MYL9: variants seen among roughly 807,000 people sequenced by gnomAD.
MYL9 encodes the protein myosin light chain 9.
A neutral mutation model predicts 12.8 loss-of-function variants in MYL9; 7 were observed. The observed-to-expected ratio is 0.55, with a 90% CI of 0.31 to 1.03. The LOEUF (loss-of-function observed/expected upper bound fraction) is 1.03, where lower values mean the gene tolerates loss of function less well. Among genes scored for constraint, MYL9 ranks in the 50% least tolerant of loss-of-function variants. The pLI is 0.05. For synonymous variants in MYL9, 81 were observed against 87.8 expected, an observed-to-expected ratio of 0.92 and a Z score of 0.43; for missense variants, 190 against 242.7, an observed-to-expected ratio of 0.78 and a Z score of 1.44.
chr20:36,549,229 G>A lies in MYL9; in HGVS notation c.499G>A (p.Ala167Thr), dbSNP rs2038141127. 6 of 1,613,508 alleles carry A rather than the reference G, an allele frequency of 3.7e-6. No individual in the cohort carries two copies. The highest frequency in any genetic ancestry group is 1.1e-5 in the South Asian group (1 of 91,056). ...VEFTRILKHG[A>T]KDKDD is the part of the protein sequence containing the mutation. ...GTTCACCCGCATCCTCAAACATGGC[G>A]CCAAGGATAAAGACGACTAGGCCAC... is the stretch of plus-strand genomic sequence containing the variant. Residue 167 changes from alanine (A) to threonine (T), a missense_variant, in exon 4 of 4, where the codon GCC (alanine) becomes ACC (threonine). By Grantham distance (58) the Ala-to-Thr change is moderately conservative. Transcript: ENST00000279022.
rs369585316 is a variant in MYL9 at position 36,549,151 on chromosome 20, G to A, written c.421G>A (p.Glu141Lys). ...GDRFTDEEVD[E>K]MYREAPIDKK... ...CCGCTTCACAGATGAGGAAGTGGAC[G>A]AGATGTACCGGGAGGCACCCATTGA... Residue 141 changes from glutamate (E) to lysine (K), a missense_variant, in exon 4 of 4, where the codon GAG becomes AAG. Glu to Lys is a moderately conservative substitution (Grantham distance 56). Coordinates refer to ENST00000279022, the MANE Select transcript of MYL9 (RefSeq NM_006097.5). The A allele has an allele frequency of 8.7e-6, 14 of 1,613,846 alleles. No individual in the cohort carries two copies. The highest frequency in any genetic ancestry group is 1.7e-5 in the Admixed American group (1 of 59,986).
chr20:36,545,357 C>T (rs548757480), intron 2 of MYL9, among the ~76,000 whole-genome samples: 20 of 151,678 alleles, frequency 1.3e-4, no homozygotes, highest in Non-Finnish European at 2.4e-4. Context: ...ATTAGCCGAG[C>T]GTGGTGGCGG....
chr20:36,550,125 G>A lies in MYL9; in HGVS notation c.*876G>A, dbSNP rs982627496. On this transcript the variant is annotated 3_prime_UTR_variant, in exon 4 of 4. Transcript: ENST00000279022. Reference sequence around the variant, plus strand: ...GAATCACCACAGCCAATCCCGTGGAGGGTTCCAGGCCTCTTGGGGGGCAGA... The same window carrying A: ...GAATCACCACAGCCAATCCCGTGGAAGGTTCCAGGCCTCTTGGGGGGCAGA... 2.6e-5 allele frequency: 4 copies of A among 152,572 alleles called. No homozygotes were observed. Among genetic ancestry groups the A allele is most frequent in the African/African-American group, 9.7e-5 (4 of 41,434 alleles). The allele number at this position is 152,572 out of a possible 1,614,324, so 9.5% of individuals were successfully genotyped here. A position where few individuals can be genotyped will look rare whatever the true frequency, so the allele number is the denominator to read the frequency against.
In MYL9 at chr20:36,549,280, C is replaced by CT. The variant is rs771828047; in HGVS notation, c.*31_*32insT. On this transcript the variant is annotated 3_prime_UTR_variant, in exon 4 of 4. Coordinates refer to ENST00000279022, the MANE Select transcript of MYL9 (RefSeq NM_006097.5). ...CCCAGCCCCCTGACACCCCAGCCCCCGCCAGTCACCCCTCCCCGCACACAC... is the reference window on the plus strand; with the variant it reads ...CCCAGCCCCCTGACACCCCAGCCCCCTGCCAGTCACCCCTCCCCGCACACAC... 2 of 1,522,144 alleles carry CT rather than the reference C, an allele frequency of 1.3e-6. No individual in the cohort carries two copies. Among genetic ancestry groups the CT allele is most frequent in the Non-Finnish European group, 1.8e-6 (2 of 1,126,986 alleles). 94.3% of individuals were successfully genotyped at this position (1,522,144 alleles called of 1,614,324 possible).
chr20:36,541,606 C>T (rs62206095), intron 1 of MYL9, 45 bp downstream of exon 1: 1,558 of 152,738 alleles, frequency 0.01, 19 homozygotes, highest in South Asian at 0.026. Flanking sequence ...GCCTAACGGC[C>T]CAGGGCTGGA....
At chr20:36,548,720 G>A (rs538784290) in intron 3 of MYL9, among the ~76,000 whole-genome samples, 1 of 152,290 alleles carries the variant, frequency 6.6e-6, no homozygotes, top group South Asian at 2.1e-4. Flanking sequence ...GGGAGAATGG[G>A]AATCAGCACT....
At position 36,544,845 on chromosome 20, in the gene MYL9, A is replaced by T; in HGVS notation, c.-26-14A>T. On this transcript the variant is annotated splice_polypyrimidine_tract_variant and intron_variant, in intron 1 of 3. Coordinates refer to ENST00000279022, the MANE Select transcript of MYL9 (RefSeq NM_006097.5). The stretch of plus-strand genomic sequence containing the variant: ...AGAGTCACAGGGCCACCCAACCCCC[A>T]CCCCTTCCTGCAGGGAAGCCCCACC... 1 of 954,760 alleles carries T rather than the reference A, an allele frequency of 1.0e-6. No homozygotes were observed. Among genetic ancestry groups the T allele is most frequent in the Non-Finnish European group, 1.6e-6 (1 of 628,824 alleles). 59.1% of individuals were successfully genotyped at this position (954,760 alleles called of 1,614,324 possible).
rs565543919 is a variant in MYL9 at position 36,550,212 on chromosome 20, A to T, written c.*963A>T. The T allele has an allele frequency of 6.6e-6, 1 of 152,584 alleles. No individual in the cohort carries two copies. Among genetic ancestry groups the T allele is most frequent in the African/African-American group, 2.4e-5 (1 of 41,538 alleles). The allele number at this position is 152,584 out of a possible 1,614,324, so 9.5% of individuals were successfully genotyped here. ...GTTCCAGAAGAACAGGGAGGCTCCA[A>T]CAGTGATGAGGCAGGCGTCCCAGCA... On this transcript the variant is annotated 3_prime_UTR_variant, in exon 4 of 4. Coordinates refer to ENST00000279022, the MANE Select transcript of MYL9 (RefSeq NM_006097.5).
chr20:36,547,097 C>T (rs1231968955), intron 2 of MYL9, among the ~76,000 whole-genome samples: 1 of 152,142 alleles, frequency 6.6e-6, no homozygotes, highest in Non-Finnish European at 1.5e-5. Context: ...AAGGCCACAC[C>T]CTGCACCCAG....
chr20:36,543,533 G>A (rs2038060810), intron 1 of MYL9, among the ~76,000 whole-genome samples: 1 of 152,226 alleles, frequency 6.6e-6, no homozygotes, highest in African/African-American at 2.4e-5. Flanking sequence ...AGGAGGCACT[G>A]GGTCTTCAGG....
At chr20:36,545,178 T>C in intron 2 of MYL9, 110 bp downstream of exon 2, 3 of 1,247,638 alleles carry the variant, frequency 2.4e-6, no homozygotes, top group Non-Finnish European at 3.4e-6. Flanking sequence ...CCTTAGAGAA[T>C]AGTTGCCATT....
intron 2 of MYL9, 144 bp from the exon 3 acceptor site, chr20:36,547,888 G>A (rs1011431445): frequency 9.6e-7 from 1 of 1,045,926 alleles, no homozygotes; most frequent in African/African-American, 1.6e-5. Context: ...CTGCGCTAGA[G>A]CCATGCTTTC....
At chr20:36,544,753 G>A (rs1238946980) in intron 1 of MYL9, 106 bp from the exon 2 acceptor site, 3 of 893,948 alleles carry the variant, frequency 3.4e-6, no homozygotes, top group Non-Finnish European at 5.0e-6. Flanking sequence ...AAATCCGTGG[G>A]CAGCCTTGAA....
At chr20:36,542,199 G>C (rs1181851011) in intron 1 of MYL9, among the ~76,000 whole-genome samples, 2 of 152,160 alleles carry the variant, frequency 1.3e-5, no homozygotes, top group Non-Finnish European at 2.9e-5. Flanking sequence ...CCCCTAGGGG[G>C]CAGGACGAGG....
At chr20:36,543,106 G>A (rs764744802) in intron 1 of MYL9, among the ~76,000 whole-genome samples, 137 of 152,242 alleles carry the variant, frequency 9.0e-4, no homozygotes, top group Non-Finnish European at 4.4e-4. Flanking sequence ...TCTAAAGCAC[G>A]GGAGAGGAGG....
At chr20:36,542,125 T>C (rs1458679567) in intron 1 of MYL9, among the ~76,000 whole-genome samples, 2 of 152,134 alleles carry the variant, frequency 1.3e-5, no homozygotes, top group African/African-American at 4.8e-5. Flanking sequence ...GACCCGGGCC[T>C]TCCCCTCTCT....
intron 3 of MYL9, 68 bp from the exon 4 acceptor site, chr20:36,549,009 A>G: frequency 6.7e-7 from 1 of 1,489,154 alleles, no homozygotes. Flanking sequence ...CAGGGGGCTG[A>G]GGGATGGGGC....
intron 1 of MYL9, among the ~76,000 whole-genome samples, chr20:36,541,895 G>C (rs1295443462): frequency 6.6e-6 from 1 of 152,156 alleles, no homozygotes; most frequent in Non-Finnish European, 1.5e-5. Context: ...GGGGGGGGCT[G>C]GGGAGCCCGG....
chr20:36,545,774 C>CA (rs1328548762), intron 2 of MYL9, among the ~76,000 whole-genome samples: 1 of 151,358 alleles, frequency 6.6e-6, no homozygotes, highest in Non-Finnish European at 1.5e-5. Context: ...ACTAAAAATA[C>CA]AAAAATTAGC....
Sources: gnomAD v4.1 joint callset for allele counts (sites outside exome capture counted in the v4.1 genomes callset) on GRCh38, gnomAD v4.1.1 for gene constraint, MANE v1.5 for transcripts, NCBI Gene and HGNC (gene_info 2026-07-23, HGNC 2026-07-21) for gene names.